Variants in CMTM5 observed in about 807,000 individuals in gnomAD.
CMTM5 encodes CKLF-like MARVEL transmembrane domain-containing protein 5.
A neutral mutation model predicts 26.9 loss-of-function variants in CMTM5; 25 were observed. The ratio of observed to expected loss-of-function variants is 0.93; its 90% CI spans 0.68 to 1.30. CMTM5 has a LOEUF of 1.30. Among genes scored for constraint, CMTM5 ranks in the 50% most tolerant of loss-of-function variants. CMTM5 has a pLI of 0.00. For synonymous variants in CMTM5, 98 were observed against 115.5 expected, an observed-to-expected ratio of 0.85 and a Z score of 0.97; for missense variants, 292 against 289.6, an observed-to-expected ratio of 1.01 and a Z score of -0.06.
In CMTM5 at chr14:23,378,897, T is replaced by G. The variant is rs767558409; in HGVS notation, c.480+28T>G. The G allele has an allele frequency of 1.2e-6, 2 of 1,611,216 alleles. No individual in the cohort carries two copies. The highest frequency in any genetic ancestry group is 4.5e-5 in the East Asian group (2 of 44,870). ...GAGCGCTCTGTCTCTTGAATGTGCT[T>G]CATATTGTGTGAGGGGTATCCTATG... On this transcript the variant is annotated intron_variant, in intron 3 of 5. Coordinates refer to ENST00000339180, the MANE Select transcript of CMTM5 (RefSeq NM_001288746.2). This position sits in a 1 kb window ranked among gnomAD's most constrained non-coding sequence, Gnocchi z 4.2.
rs746834889 is a variant in CMTM5 at position 23,379,527 on chromosome 14, AG to A, written c.*42del. On this transcript the variant is annotated 3_prime_UTR_variant, in exon 6 of 6. Coordinates refer to ENST00000339180, the MANE Select transcript of CMTM5 (RefSeq NM_001288746.2). The stretch of plus-strand genomic sequence containing the variant: ...GGCTCCTAGGCCCAGCCAGCCAGAG[AG>A]GACAGTGGAGCCCAGACACGTCTCC... 2.0e-5 allele frequency: 32 copies of A among 1,611,636 alleles called. No individual in the cohort carries two copies. The African/African-American group carries it at 4.0e-4, about 20-fold the overall frequency.
chr14:23,379,548 G>T lies in CMTM5; in HGVS notation c.*61G>T, dbSNP rs1167171131. On this transcript the variant is annotated 3_prime_UTR_variant, in exon 6 of 6. Coordinates refer to ENST00000339180, the MANE Select transcript of CMTM5 (RefSeq NM_001288746.2). Reference sequence around the variant, plus strand: ...AGAGAGGACAGTGGAGCCCAGACACGTCTCCTTGGGATTCACTAGCCCCCA... The same window carrying T: ...AGAGAGGACAGTGGAGCCCAGACACTTCTCCTTGGGATTCACTAGCCCCCA... 3 of 1,608,342 alleles carry T rather than the reference G, an allele frequency of 1.9e-6. No individual in the cohort carries two copies. The highest frequency in any genetic ancestry group is 2.5e-6 in the Non-Finnish European group (3 of 1,179,694).
At position 23,377,056 on chromosome 14, in the gene CMTM5, G is replaced by A; in HGVS notation, c.-196G>A. On this transcript the variant is annotated 5_prime_UTR_variant, in exon 1 of 6. Transcript: ENST00000339180. The surrounding 1 kb of genome is among the most constrained non-coding windows in gnomAD (Gnocchi z 4.6). ...GGCAGCAGCAGAGGCACTCTGGGCA[G>A]CTGGGTGAGGGCCCATCTGGGCAAG... The A allele has an allele frequency of 1.5e-6, 1 of 658,426 alleles. No homozygotes were observed. Among genetic ancestry groups the A allele is most frequent in the Non-Finnish European group, 2.5e-6 (1 of 396,938 alleles). The allele number at this position is 658,426 out of a possible 1,614,324, so 40.8% of individuals were successfully genotyped here.
rs780058006 is a variant in CMTM5 at position 23,379,316 on chromosome 14, G to A, written c.591G>A (p.Leu197=). The A allele has an allele frequency of 8.7e-6, 14 of 1,613,960 alleles. No homozygotes were observed. The highest frequency in any genetic ancestry group is 1.3e-5 in the African/African-American group (1 of 74,876). ...TCCCACAGGTTTTTGGCATCATCCT[G>A]GTTTCCATCTTTGCCTATGATGCCT... is the stretch of plus-strand genomic sequence containing the variant. ...AIAAFVFGII[L]VSIFAYDAFK... Residue 197 remains leucine, a synonymous_variant, in exon 5 of 6, where the codon CTG becomes CTA. Transcript: ENST00000339180.
At position 23,378,305 on chromosome 14, in the gene CMTM5, C is replaced by T; in HGVS notation, c.127-44C>T. The T allele has an allele frequency of 1.9e-6, 3 of 1,607,044 alleles. No individual in the cohort carries two copies. Among genetic ancestry groups the T allele is most frequent in the East Asian group, 4.5e-5 (2 of 44,786 alleles). ...GGGGAAGGCAAAGCCCTGGCCCCTG[C>T]CTGTGTCCCCTTCTTGGCATGTTCC... On this transcript the variant is annotated intron_variant, in intron 1 of 5. Transcript: ENST00000339180. The surrounding 1 kb of genome is among the most constrained non-coding windows in gnomAD (Gnocchi z 4.2).
chr14:23,379,098 G>C lies in CMTM5; in HGVS notation c.548G>C (p.Arg183Pro). ...LVVSFAAVTS[R>P]DGAAIAAFVF... The stretch of plus-strand genomic sequence containing the variant: ...GTCTCCTTTGCAGCTGTGACCTCCC[G>C]GGACGGAGCTGCCATTGCTGCTTTT... The change falls in exon 4 of 6, where the codon CGG (arginine) becomes CCG (proline). Residue 183 changes from arginine (R) to proline (P), a missense_variant. Physicochemically the swap from Arg to Pro is moderately radical, Grantham distance 103. Coordinates refer to ENST00000339180, the MANE Select transcript of CMTM5 (RefSeq NM_001288746.2). 6.2e-7 allele frequency: 1 copy of C among 1,613,946 alleles called. No individual in the cohort carries two copies.
In CMTM5 at chr14:23,378,862, G is replaced by A; in HGVS notation, c.473G>A (p.Gly158Asp). Reference sequence around the variant, plus strand: ...TGGTTCATCTGCTTCCACTCCCTGGGTAGCAGTGTGAGCGCTCTGTCTCTT... The same window carrying A: ...TGGTTCATCTGCTTCCACTCCCTGGATAGCAGTGTGAGCGCTCTGTCTCTT... Reference protein sequence around the residue: ...LLWFICFHSLGSSDFLRCVSA... With the variant: ...LLWFICFHSLDSSDFLRCVSA... The change falls in exon 3 of 6, where the codon GGT becomes GAT. Residue 158 changes from glycine to aspartate, a missense_variant. By Grantham distance (94) the Gly-to-Asp change is moderately conservative. Transcript: ENST00000339180. The surrounding 1 kb of genome is among the most constrained non-coding windows in gnomAD (Gnocchi z 4.2). The A allele has an allele frequency of 6.2e-7, 1 of 1,613,258 alleles. No individual in the cohort carries two copies. The highest frequency in any genetic ancestry group is 1.1e-5 in the South Asian group (1 of 91,036).
chr14:23,378,834 C>G lies in CMTM5; in HGVS notation c.445C>G (p.Leu149Val). ...APAPGFWSWL[L>V]WFICFHSLGS... ...AGCGCCTGGCTTCTGGTCCTGGTTG[C>G]TCTGGTTCATCTGCTTCCACTCCCT... Residue 149 changes from leucine to valine, a missense_variant, in exon 3 of 6, where the codon CTC becomes GTC. Leu to Val is a conservative substitution (Grantham distance 32). Coordinates refer to ENST00000339180, the MANE Select transcript of CMTM5 (RefSeq NM_001288746.2). This position sits in a 1 kb window ranked among gnomAD's most constrained non-coding sequence, Gnocchi z 4.2. 6.2e-7 allele frequency: 1 copy of G among 1,612,942 alleles called. No homozygotes were observed. The highest frequency in any genetic ancestry group is 8.5e-7 in the Non-Finnish European group (1 of 1,179,850).
At position 23,377,554 on chromosome 14, in the gene CMTM5, A is replaced by C; in HGVS notation, c.126+177A>C. ...TACTCTGCCTTCTTGCTGCCTCTCCACCCGGAGACATTTACAGCAGGTTTC... is the reference window on the plus strand; with the variant it reads ...TACTCTGCCTTCTTGCTGCCTCTCCCCCCGGAGACATTTACAGCAGGTTTC... On this transcript the variant is annotated intron_variant, in intron 1 of 5. Coordinates refer to ENST00000339180, the MANE Select transcript of CMTM5 (RefSeq NM_001288746.2). This position sits in a 1 kb window ranked among gnomAD's most constrained non-coding sequence, Gnocchi z 4.6. 1 of 601,566 alleles carries C rather than the reference A, an allele frequency of 1.7e-6. No homozygotes were observed. The highest frequency in any genetic ancestry group is 2.6e-6 in the Non-Finnish European group (1 of 377,706). The allele number at this position is 601,566 out of a possible 1,614,324, so 37.3% of individuals were successfully genotyped here.
At position 23,379,058 on chromosome 14, in the gene CMTM5, A is replaced by G; in HGVS notation, c.508A>G (p.Ile170Val). 1.9e-6 allele frequency: 3 copies of G among 1,613,956 alleles called. No individual in the cohort carries two copies. Among genetic ancestry groups the G allele is most frequent in the South Asian group, 2.2e-5 (2 of 91,058 alleles). Residue 170 changes from isoleucine to valine, a missense_variant, in exon 4 of 6, where the codon ATC becomes GTC. Physicochemically the swap from Ile to Val is conservative, Grantham distance 29. Transcript: ENST00000339180. ...CTTCCTGCGCTGTGTCAGTGCCATCATCATCTTCCTGGTGGTCTCCTTTGC... is the reference window on the plus strand; with the variant it reads ...CTTCCTGCGCTGTGTCAGTGCCATCGTCATCTTCCTGGTGGTCTCCTTTGC... ...SDFLRCVSAI[I>V]IFLVVSFAAV...
chr14:23,378,480 C>A lies in CMTM5; in HGVS notation c.258C>A (p.Asp86Glu). The change falls in exon 2 of 6, where the codon GAC (aspartate) becomes GAA (glutamate). Residue 86 changes from aspartate (D) to glutamate (E), a missense_variant. By Grantham distance (45) the Asp-to-Glu change is conservative (BLOSUM62 2). Transcript: ENST00000339180. This position sits in a 1 kb window ranked among gnomAD's most constrained non-coding sequence, Gnocchi z 4.2. The stretch of plus-strand genomic sequence containing the variant: ...CCACCCAGTACTACCAGCGCTTCGA[C>A]CGAATTAACTGGCCCTGTCTGGTGA... ...LYATQYYQRF[D>E]RINWPCLLQG... 2 of 1,614,142 alleles carry A rather than the reference C, an allele frequency of 1.2e-6. No homozygotes were observed. Among genetic ancestry groups the A allele is most frequent in the Non-Finnish European group, 1.7e-6 (2 of 1,180,018 alleles).
At position 23,378,914 on chromosome 14, in the gene CMTM5, T is replaced by TTC. The variant is rs1566500861; in HGVS notation, c.480+45_480+46insTC. On this transcript the variant is annotated intron_variant, in intron 3 of 5. Coordinates refer to ENST00000339180, the MANE Select transcript of CMTM5 (RefSeq NM_001288746.2). The surrounding 1 kb of genome is among the most constrained non-coding windows in gnomAD (Gnocchi z 4.2). ...AATGTGCTTCATATTGTGTGAGGGG[T>TTC]ATCCTATGGAGGGGTTCAGAATCCC... is the stretch of plus-strand genomic sequence containing the variant. The TTC allele has an allele frequency of 6.2e-7, 1 of 1,608,284 alleles. No individual in the cohort carries two copies. Among genetic ancestry groups the TTC allele is most frequent in the South Asian group, 1.1e-5 (1 of 90,552 alleles).
In CMTM5 at chr14:23,377,258, A is replaced by C; in HGVS notation, c.7A>C (p.Ser3Arg). 1 of 1,612,096 alleles carries C rather than the reference A, an allele frequency of 6.2e-7. No individual in the cohort carries two copies. Among genetic ancestry groups the C allele is most frequent in the Non-Finnish European group, 8.5e-7 (1 of 1,179,290 alleles). ML[S>R]ARDRRDRHPE... The stretch of plus-strand genomic sequence containing the variant: ...GTTGGTGGGCCCTACGAAGATGCTC[A>C]GTGCTCGAGATCGCCGGGACCGGCA... Residue 3 changes from serine (S) to arginine (R), a missense_variant, in exon 1 of 6, where the codon AGT (serine) becomes CGT (arginine). Coordinates refer to ENST00000339180, the MANE Select transcript of CMTM5 (RefSeq NM_001288746.2). This position sits in a 1 kb window ranked among gnomAD's most constrained non-coding sequence, Gnocchi z 4.6.
At chr14:23,376,807 G>T, upstream of CMTM5, 1 of 162,880 alleles carries the variant, frequency 6.1e-6, no homozygotes, top group Non-Finnish European at 1.3e-5. Context: ...AGAGGGTTAA[G>T]GTTAGAGAAG....
chr14:23,379,511 GC>G lies in CMTM5; in HGVS notation c.*27del. On this transcript the variant is annotated 3_prime_UTR_variant, in exon 6 of 6. Transcript: ENST00000339180. ...GACTCTGGGGCTACCTGGCTCCTAGGCCCAGCCAGCCAGAGAGGACAGTGGA... is the reference window on the plus strand; with the variant it reads ...GACTCTGGGGCTACCTGGCTCCTAGGCCAGCCAGCCAGAGAGGACAGTGGA... The G allele has an allele frequency of 6.2e-7, 1 of 1,612,948 alleles. No homozygotes were observed.
chr14:23,379,119 C>G lies in CMTM5; in HGVS notation c.569C>G (p.Ala190Gly), dbSNP rs199634432. The G allele has an allele frequency of 1.9e-6, 3 of 1,613,764 alleles. No individual in the cohort carries two copies. In the Admixed American group the frequency reaches 5.0e-5, roughly 27 times the overall value. Residue 190 changes from alanine to glycine, a missense_variant, in exon 4 of 6, where the codon GCT (alanine) becomes GGT (glycine). By Grantham distance (60) the Ala-to-Gly change is moderately conservative. Coordinates refer to ENST00000339180, the MANE Select transcript of CMTM5 (RefSeq NM_001288746.2). ...TCCCGGGACGGAGCTGCCATTGCTG[C>G]TTTTGTGAGTTCAGCCCTGCAGGAC... ...VTSRDGAAIA[A>G]FVFGIILVSI...
At position 23,377,228 on chromosome 14, in the gene CMTM5, G is replaced by T. The variant is rs748219650; in HGVS notation, c.-24G>T. 3.1e-6 allele frequency: 5 copies of T among 1,609,006 alleles called. No individual in the cohort carries two copies. The highest frequency in any genetic ancestry group is 3.3e-5 in the Admixed American group (2 of 59,792). On this transcript the variant is annotated 5_prime_UTR_variant, in exon 1 of 6. Coordinates refer to ENST00000339180, the MANE Select transcript of CMTM5 (RefSeq NM_001288746.2). This position sits in a 1 kb window ranked among gnomAD's most constrained non-coding sequence, Gnocchi z 4.6. ...CTTGCTGGGCTTTTGGCAGTAGGGGGCTGTGTTGGTGGGCCCTACGAAGAT... is the reference window on the plus strand; with the variant it reads ...CTTGCTGGGCTTTTGGCAGTAGGGGTCTGTGTTGGTGGGCCCTACGAAGAT...
rs1237995429 is a variant in CMTM5, at chr14:23,378,456, C to T, written c.234C>T (p.Ala78=). The T allele has an allele frequency of 1.9e-6, 3 of 1,614,034 alleles. No individual in the cohort carries two copies. In the African/African-American group the frequency reaches 4.0e-5, roughly 22 times the overall value. ...CACTTGCCTTCCTCTTCCTCTATGC[C>T]ACCCAGTACTACCAGCGCTTCGACC... ...FITLAFLFLY[A]TQYYQRFDRI... The change falls in exon 2 of 6, where the codon GCC becomes GCT. Residue 78 remains alanine (A), a synonymous_variant. Coordinates refer to ENST00000339180, the MANE Select transcript of CMTM5 (RefSeq NM_001288746.2). The surrounding 1 kb of genome is among the most constrained non-coding windows in gnomAD (Gnocchi z 4.2).
At position 23,379,731 on chromosome 14, in the gene CMTM5, TG is replaced by T; in HGVS notation, c.*246del. The stretch of plus-strand genomic sequence containing the variant: ...GGAGGGGGGGTGGAGGGGAGGAATC[TG>T]GACCTCTAAGTCATTCCCAAATTAA... On this transcript the variant is annotated 3_prime_UTR_variant, in exon 6 of 6. Coordinates refer to ENST00000339180, the MANE Select transcript of CMTM5 (RefSeq NM_001288746.2). The T allele has an allele frequency of 1.1e-6, 1 of 936,782 alleles. No individual in the cohort carries two copies. The highest frequency in any genetic ancestry group is 1.5e-6 in the Non-Finnish European group (1 of 646,184). 58.0% of individuals were successfully genotyped at this position (936,782 alleles called of 1,614,324 possible).
Sources: allele counts gnomAD v4.1 joint callset, GRCh38; gene constraint gnomAD v4.1.1; non-coding constraint Gnocchi (gnomAD v3.1); transcripts MANE v1.5; gene names NCBI Gene and HGNC (gene_info 2026-07-23, HGNC 2026-07-21).